Variants in TRMT9B observed in about 807,000 individuals in gnomAD.
TRMT9B encodes probable tRNA methyltransferase 9B.
TRMT9B carries 16 observed loss-of-function variants against 11.5 expected under a neutral mutation model. The ratio of observed to expected loss-of-function variants is 1.39; its 90% CI spans 0.94 to 2.11. TRMT9B has a LOEUF of 2.11. TRMT9B is among the 30% of genes most tolerant of loss of function. TRMT9B has a pLI of 0.00. For synonymous variants in TRMT9B, 274 were observed against 192.4 expected (o/e 1.42, Z -3.51); for missense variants, 941 against 553.8 (o/e 1.70, Z -7.02).
At chr8:12,987,204 T>G (rs1806465206) in intron 1 of TRMT9B, among the ~76,000 whole-genome samples, 1 of 152,222 alleles carries the variant, frequency 6.6e-6, no homozygotes, top group Non-Finnish European at 1.5e-5. Flanking sequence ...GGAAAGTCAC[T>G]TAGGTCCTCC....
chr8:12,972,554 C>A (rs1016938659), intron 1 of TRMT9B, among the ~76,000 whole-genome samples: 1 of 152,276 alleles, frequency 6.6e-6, no homozygotes, highest in Admixed American at 6.5e-5. Flanking sequence ...GGAGCCGGTC[C>A]CCTCTCCCAC....
At chr8:12,987,692 CAA>C (rs35989832) in intron 1 of TRMT9B, among the ~76,000 whole-genome samples, 46,749 of 150,998 alleles carry the variant, frequency 0.31, 7,797 homozygotes, top group East Asian at 0.58. Flanking sequence ...TACCCTGTCT[CAA>C]AAAAAAAAAT....
chr8:13,025,105 T>C lies in TRMT9B; in HGVS notation c.*3061T>C, dbSNP rs1333769328. 2 of 167,036 alleles carry C rather than the reference T, an allele frequency of 1.2e-5. No homozygotes were observed. The highest frequency in any genetic ancestry group is 4.8e-5 in the African/African-American group (2 of 41,442). 10.3% of individuals were successfully genotyped at this position (167,036 alleles called of 1,614,324 possible). ...AGTAATCTGATCACTTACTTCCTTA[T>C]TAATACTAGATCACACAGTGTCTTT... On this transcript the variant is annotated 3_prime_UTR_variant, in exon 5 of 5. Coordinates refer to ENST00000524591, the MANE Select transcript of TRMT9B (RefSeq NM_020844.3).
intron 1 of TRMT9B, among the ~76,000 whole-genome samples, chr8:12,959,623 G>T (rs1260491191): frequency 7.1e-6 from 1 of 140,520 alleles, no homozygotes; most frequent in South Asian, 2.4e-4. Flanking sequence ...GGGCTCAAAT[G>T]ATCCTCCTGC....
intron 1 of TRMT9B, among the ~76,000 whole-genome samples, chr8:12,988,347 A>G (rs556120239): frequency 3.9e-5 from 6 of 152,342 alleles, no homozygotes; most frequent in Admixed American, 3.3e-4. Context: ...GTTTAGATCC[A>G]TGATAATTAA....
At chr8:12,993,419 C>T (rs1171473664) in intron 2 of TRMT9B, among the ~76,000 whole-genome samples, 1 of 152,188 alleles carries the variant, frequency 6.6e-6, no homozygotes, top group African/African-American at 2.4e-5. Context: ...TTACCTTTTA[C>T]TGTAAGAATG....
At chr8:12,965,804 G>A (rs1802732515) in intron 1 of TRMT9B, among the ~76,000 whole-genome samples, 1 of 152,222 alleles carries the variant, frequency 6.6e-6, no homozygotes, top group African/African-American at 2.4e-5. Flanking sequence ...CATGAGCTCA[G>A]TAGTTCAAGA....
chr8:12,994,019 T>A (rs1484283489), intron 2 of TRMT9B, among the ~76,000 whole-genome samples: 1 of 152,188 alleles, frequency 6.6e-6, no homozygotes, highest in African/African-American at 2.4e-5. Flanking sequence ...CTCTTGTCAA[T>A]TTCCTGGGCG....
In TRMT9B at chr8:12,992,546, G is replaced by T. The variant is rs1807549456; in HGVS notation, c.-2+1515G>T. Among the ~76,000 whole-genome samples, 3 of 152,002 alleles carry T rather than the reference G, an allele frequency of 2.0e-5. No individual in the cohort carries two copies. The South Asian group carries it at 6.3e-4, about 32-fold the overall frequency. On this transcript the variant is annotated intron_variant, in intron 2 of 4. Coordinates refer to ENST00000524591, the MANE Select transcript of TRMT9B (RefSeq NM_020844.3). ...ACTTAGATGGTCATGAAGCTCAGGA[G>T]AACTTCATTTAAACAGCATCATTGA...
rs562000483 is a variant in TRMT9B, at chr8:12,991,073, G to C, written c.-2+42G>C. ...GCTTCTGCAACTCACATACCATGAG[G>C]TGTTTTTAGCAATGTGCATATTTAG... On this transcript the variant is annotated intron_variant, in intron 2 of 4. Transcript: ENST00000524591. 187 of 1,055,082 alleles carry C rather than the reference G, an allele frequency of 1.8e-4. 2 individuals carry two copies. In the South Asian group the frequency reaches 3.2e-3, roughly 18 times the overall value. The allele number at this position is 1,055,082 out of a possible 1,614,324, so 65.4% of individuals were successfully genotyped here.
At chr8:13,005,221 T>C (rs987346751) in intron 2 of TRMT9B, among the ~76,000 whole-genome samples, 1 of 152,186 alleles carries the variant, frequency 6.6e-6, no homozygotes, top group Non-Finnish European at 1.5e-5. Context: ...CACTTATTTG[T>C]GGCAGCTAAA....
At chr8:12,972,594 C>G (rs1803805153) in intron 1 of TRMT9B, among the ~76,000 whole-genome samples, 1 of 152,136 alleles carries the variant, frequency 6.6e-6, no homozygotes, top group Non-Finnish European at 1.5e-5. Flanking sequence ...TATGGTGTCC[C>G]CTTGTCAGCA....
intron 4 of TRMT9B, among the ~76,000 whole-genome samples, chr8:13,015,918 G>A (rs535221428): frequency 1.3e-5 from 2 of 152,030 alleles, no homozygotes; most frequent in East Asian, 1.9e-4. Flanking sequence ...TTAATGTGAT[G>A]TGGTTATTTT....
At chr8:13,012,519 G>A in intron 3 of TRMT9B, 165 bp from the exon 4 acceptor site, 5 of 874,702 alleles carry the variant, frequency 5.7e-6, no homozygotes, top group Non-Finnish European at 8.0e-6. Context: ...AGGTTGCAGT[G>A]AACCGAGATT....
chr8:12,995,612 T>C (rs1398484056), intron 2 of TRMT9B, among the ~76,000 whole-genome samples: 2 of 152,162 alleles, frequency 1.3e-5, no homozygotes, highest in African/African-American at 4.8e-5. Context: ...TTGATCCTTT[T>C]CTTGATTTTT....
At chr8:12,978,679 C>G (rs999852883) in intron 1 of TRMT9B, among the ~76,000 whole-genome samples, 1 of 152,170 alleles carries the variant, frequency 6.6e-6, no homozygotes, top group Non-Finnish European at 1.5e-5. Context: ...TGAAACAGGC[C>G]TACTTGCTAC....
intron 1 of TRMT9B, among the ~76,000 whole-genome samples, chr8:12,985,127 T>C (rs1198213620): frequency 6.6e-6 from 1 of 152,172 alleles, no homozygotes; most frequent in Non-Finnish European, 1.5e-5. Context: ...CAAAGTGCTC[T>C]CAGGGAGTAT....
chr8:12,970,694 A>G (rs781456920), intron 1 of TRMT9B, among the ~76,000 whole-genome samples: 1 of 152,226 alleles, frequency 6.6e-6, no homozygotes, highest in Non-Finnish European at 1.5e-5. Context: ...TTTAAAAAGT[A>G]TCACTACAGA....
intron 1 of TRMT9B, among the ~76,000 whole-genome samples, chr8:12,960,752 A>G (rs1801995771): frequency 6.6e-6 from 1 of 152,242 alleles, no homozygotes; most frequent in African/African-American, 2.4e-5. Flanking sequence ...TGACATATGC[A>G]AAGGCAAAAC....
Sources: allele counts gnomAD v4.1 joint callset (sites outside exome capture counted in the v4.1 genomes callset), GRCh38; gene constraint gnomAD v4.1.1; transcripts MANE v1.5; gene names NCBI Gene and HGNC (gene_info 2026-07-23, HGNC 2026-07-21).